RAPGEF5: variants seen among roughly 807,000 people sequenced by gnomAD.
RAPGEF5 encodes the protein Rap guanine nucleotide exchange factor 5.
RAPGEF5 carries 65 observed loss-of-function variants against 125.2 expected under a neutral mutation model. The ratio of observed to expected loss-of-function variants is 0.52; its 90% CI spans 0.43 to 0.64. RAPGEF5 has a LOEUF of 0.64. Ranked by LOEUF, RAPGEF5 falls within the 30% of genes least tolerant of loss-of-function variation. The probability of loss-of-function intolerance (pLI) is 0.00; values close to 1 mark genes in which losing one functional copy is unlikely to be tolerated. For missense variants in RAPGEF5, 958 were observed against 1,048.1 expected (o/e 0.91, Z 1.19); for synonymous variants, 391 against 385.9 (o/e 1.01, Z -0.16).
chr7:22,171,292 T>C (rs534536357), intron 11 of RAPGEF5, among the ~76,000 whole-genome samples: 47 of 152,168 alleles, frequency 3.1e-4, no homozygotes, highest in Non-Finnish European at 5.3e-4. Flanking sequence ...AATTATCTAT[T>C]ACACTACATA....
intron 7 of RAPGEF5, among the ~76,000 whole-genome samples, chr7:22,242,222 C>T (rs1786349781): frequency 6.6e-6 from 1 of 152,228 alleles, no homozygotes; most frequent in African/African-American, 2.4e-5. Context: ...ACAGAGAAGA[C>T]TGCCCCAAAG....
At chr7:22,157,949 A>G in intron 14 of RAPGEF5, 64 bp from the exon 15 acceptor site, 1 of 1,478,478 alleles carries the variant, frequency 6.8e-7, no homozygotes, top group East Asian at 2.3e-5. Flanking sequence ...AGTTATTGTT[A>G]CGGAAGACTA....
chr7:22,324,187 C>T (rs1287323376), intron 1 of RAPGEF5, among the ~76,000 whole-genome samples: 2 of 152,158 alleles, frequency 1.3e-5, no homozygotes, highest in East Asian at 3.8e-4. Context: ...GAGAAAGGCA[C>T]TTTTATGCTG....
chr7:22,126,291 G>A (rs139104219), intron 24 of RAPGEF5, among the ~76,000 whole-genome samples: 2,656 of 152,294 alleles, frequency 0.017, 45 homozygotes, highest in Middle Eastern at 0.034. Context: ...TCACTTCAGG[G>A]TATGTGTCAC....
intron 25 of RAPGEF5, among the ~76,000 whole-genome samples, chr7:22,124,188 G>A (rs373104690): frequency 1.1e-3 from 162 of 152,296 alleles, no homozygotes; most frequent in African/African-American, 3.6e-3. Flanking sequence ...TATACTTGGA[G>A]CATATATAAA....
chr7:22,295,720 C>T (rs1339082740), intron 5 of RAPGEF5, among the ~76,000 whole-genome samples: 1 of 151,600 alleles, frequency 6.6e-6, no homozygotes, highest in African/African-American at 2.4e-5. Context: ...GATGCCAATA[C>T]AAATCTTATG....
intron 5 of RAPGEF5, among the ~76,000 whole-genome samples, chr7:22,297,268 G>A (rs1279960847): frequency 1.3e-5 from 2 of 152,178 alleles, no homozygotes; most frequent in African/African-American, 4.8e-5. Flanking sequence ...TGCACAATGT[G>A]AGGAAACTGA....
chr7:22,209,647 T>C (rs2128130136), intron 9 of RAPGEF5, among the ~76,000 whole-genome samples: 1 of 152,322 alleles, frequency 6.6e-6, no homozygotes, highest in Admixed American at 6.5e-5. Context: ...GGCCAAATTG[T>C]TTGTGCCCAC....
chr7:22,160,394 G>C (rs1430685429), intron 14 of RAPGEF5, 124 bp downstream of exon 14: 2 of 835,170 alleles, frequency 2.4e-6, no homozygotes, highest in East Asian at 5.7e-5. Context: ...GAAAAGCTAA[G>C]GCATCAAGAT....
chr7:22,201,807 A>G (rs998896785), intron 9 of RAPGEF5, among the ~76,000 whole-genome samples: 5 of 152,188 alleles, frequency 3.3e-5, no homozygotes, highest in African/African-American at 4.8e-5. Flanking sequence ...TAGTTCCAAT[A>G]TAAAAGTTCT....
At position 22,157,734 on chromosome 7, in the gene RAPGEF5, C is replaced by G; in HGVS notation, c.1557+121G>C. The G allele has an allele frequency of 2.7e-6, 3 of 1,108,002 alleles. No individual in the cohort carries two copies. In the South Asian group the frequency reaches 4.1e-5, roughly 15 times the overall value. 68.6% of individuals were successfully genotyped at this position (1,108,002 alleles called of 1,614,324 possible). On this transcript the variant is annotated intron_variant, in intron 15 of 25. Coordinates refer to ENST00000665637, the MANE Select transcript of RAPGEF5 (RefSeq NM_012294.5). ...CGCAGGGAAGCTGCAGCCCCAGGCGCCCCGCCTTGTCGTGTTCTGCTCGAG... is the reference window on the plus strand; with the variant it reads ...CGCAGGGAAGCTGCAGCCCCAGGCGGCCCGCCTTGTCGTGTTCTGCTCGAG...
In RAPGEF5 at chr7:22,253,993, A is replaced by G. The variant is rs111411502; in HGVS notation, c.796+12971T>C. Among the ~76,000 whole-genome samples, 467 of 152,336 alleles carry G rather than the reference A, an allele frequency of 3.1e-3. 4 individuals carry two copies. Among genetic ancestry groups the G allele is most frequent in the Middle Eastern group, 0.01 (3 of 294 alleles). ...AGGTTATTTTTTTCTTCTACACATG[A>G]AAAAGGGAAAGCCTTATTTATACTG... On this transcript the variant is annotated intron_variant, in intron 7 of 25. Coordinates refer to ENST00000665637, the MANE Select transcript of RAPGEF5 (RefSeq NM_012294.5).
rs963889902 is a variant in RAPGEF5, at chr7:22,204,410, G to A, written c.997-10377C>T. On this transcript the variant is annotated intron_variant, in intron 9 of 25. Transcript: ENST00000665637. ...ATCACTCTTCCCAAATTTCCTGTGC[G>A]TGTGTGTCAATGAGCATCTGCATGT... Among the ~76,000 whole-genome samples, 15 of 152,282 alleles carry A rather than the reference G, an allele frequency of 9.9e-5. No individual in the cohort carries two copies. The South Asian group carries it at 1.2e-3, about 13-fold the overall frequency.
At chr7:22,244,154 T>C (rs1786410378) in intron 7 of RAPGEF5, among the ~76,000 whole-genome samples, 1 of 152,136 alleles carries the variant, frequency 6.6e-6, no homozygotes, top group Admixed American at 6.5e-5. Context: ...TGAATAGTAT[T>C]CTATTGTGTG....
chr7:22,147,097 T>C, intron 18 of RAPGEF5, 78 bp from the exon 19 acceptor site: 1 of 1,526,410 alleles, frequency 6.6e-7, no homozygotes, highest in Non-Finnish European at 8.8e-7. Flanking sequence ...AGAAAGGCAC[T>C]AGAAGCTCAG....
At chr7:22,350,675 CA>C (rs1784314686) in intron 1 of RAPGEF5, among the ~76,000 whole-genome samples, 2 of 152,156 alleles carry the variant, frequency 1.3e-5, no homozygotes, top group South Asian at 4.1e-4. Flanking sequence ...ATTATGTCAC[CA>C]AAGTGTGGGG....
chr7:22,264,763 A>G (rs1217631860), intron 7 of RAPGEF5, among the ~76,000 whole-genome samples: 3 of 152,100 alleles, frequency 2.0e-5, no homozygotes, highest in Admixed American at 1.3e-4. Flanking sequence ...CAGCCTCCCT[A>G]TCTGTATTTA....
chr7:22,162,127 T>C (rs1322030178), intron 13 of RAPGEF5, among the ~76,000 whole-genome samples: 1 of 152,232 alleles, frequency 6.6e-6, no homozygotes, highest in Non-Finnish European at 1.5e-5. Flanking sequence ...AAACTTATAA[T>C]GAATATCAAC....
intron 6 of RAPGEF5, among the ~76,000 whole-genome samples, chr7:22,270,893 A>G (rs1782401472): frequency 1.3e-5 from 2 of 152,200 alleles, no homozygotes; most frequent in South Asian, 4.1e-4. Flanking sequence ...TTTTGCCACC[A>G]AATATGTTCA....
Sources: gnomAD v4.1 joint callset for allele counts (sites outside exome capture counted in the v4.1 genomes callset) on GRCh38, gnomAD v4.1.1 for gene constraint, MANE v1.5 for transcripts, NCBI Gene and HGNC (gene_info 2026-07-23, HGNC 2026-07-21) for gene names.